The following RAPGEF6 variants were observed in gnomAD, a reference collection of about 807,000 sequenced individuals.
RAPGEF6 encodes the protein Rap guanine nucleotide exchange factor 6.
Under a neutral mutation model 171.4 loss-of-function variants are expected in RAPGEF6, and 56 were observed. The ratio of observed to expected loss-of-function variants is 0.33; its 90% CI spans 0.26 to 0.41. RAPGEF6 has a LOEUF of 0.41. RAPGEF6 is among the 10% of genes least tolerant of loss of function. RAPGEF6 has a pLI of 1.00. For synonymous variants in RAPGEF6, 692 were observed against 650.1 expected, an observed-to-expected ratio of 1.06 and a Z score of -0.98; for missense variants, 1,674 against 1,921.4, an observed-to-expected ratio of 0.87 and a Z score of 2.41.
At chr5:131,448,729 G>A (rs1752875497) in intron 21 of RAPGEF6, among the ~76,000 whole-genome samples, 1 of 152,130 alleles carries the variant, frequency 6.6e-6, no homozygotes. Context: ...TATACCTAAT[G>A]TTTGTAAGCA....
chr5:131,433,717 G>T, intron 24 of RAPGEF6, 59 bp from the exon 25 acceptor site: 1 of 1,234,012 alleles, frequency 8.1e-7, no homozygotes, highest in Non-Finnish European at 1.2e-6. Context: ...GGTGGGGGTA[G>T]TAGGGGAAAG....
At chr5:131,461,215 T>C (rs1004756778) in intron 19 of RAPGEF6, among the ~76,000 whole-genome samples, 2 of 152,200 alleles carry the variant, frequency 1.3e-5, no homozygotes, top group Non-Finnish European at 2.9e-5. Context: ...GTGAACCTCA[T>C]GTAGTGCCTG....
intron 1 of RAPGEF6, among the ~76,000 whole-genome samples, chr5:131,610,983 C>G (rs941556876): frequency 6.6e-6 from 1 of 152,148 alleles, no homozygotes; most frequent in South Asian, 2.1e-4. Context: ...GCTTCCCATG[C>G]GATACTCCCA....
intron 11 of RAPGEF6, among the ~76,000 whole-genome samples, chr5:131,503,522 T>G (rs1012174288): frequency 2.6e-5 from 4 of 152,208 alleles, no homozygotes; most frequent in Non-Finnish European, 5.9e-5. Flanking sequence ...CTCTGAGGAA[T>G]AGCCTGACTC....
At chr5:131,556,329 C>T (rs1461067831) in intron 5 of RAPGEF6, among the ~76,000 whole-genome samples, 1 of 152,084 alleles carries the variant, frequency 6.6e-6, no homozygotes, top group East Asian at 1.9e-4. Flanking sequence ...ATCTCAGCTA[C>T]TCGGGAGGCT....
intron 6 of RAPGEF6, among the ~76,000 whole-genome samples, chr5:131,524,704 C>T (rs1450095981): frequency 6.6e-6 from 1 of 152,036 alleles, no homozygotes; most frequent in Admixed American, 6.5e-5. Flanking sequence ...CAACCTCTGC[C>T]TCCTGGGTTT....
intron 5 of RAPGEF6, among the ~76,000 whole-genome samples, chr5:131,552,717 T>G (rs1760995919): frequency 6.6e-6 from 1 of 152,036 alleles, no homozygotes; most frequent in Non-Finnish European, 1.5e-5. Flanking sequence ...TGCCTCAGCC[T>G]CTCAAAGTGC....
intron 1 of RAPGEF6, among the ~76,000 whole-genome samples, chr5:131,606,054 G>A (rs55657848): frequency 0.04 from 4,697 of 118,290 alleles, 267 homozygotes; most frequent in African/African-American, 0.15. Context: ...AAAAAAAAAA[G>A]AAAAAGAAAA....
Position 131,508,125 on chromosome 5 carries a change from C to T in RAPGEF6, c.888G>A (p.Met296Ile), listed in dbSNP as rs1757483999. The change falls in exon 9 of 28, where the codon ATG becomes ATA. Residue 296 changes from methionine to isoleucine, a missense_variant. This residue lies in a region of RAPGEF6 where 1,116 missense variants were observed against 1,321.5 expected (regional missense o/e 0.84). Coordinates refer to ENST00000509018, the MANE Select transcript of RAPGEF6 (RefSeq NM_016340.6). ...CAGCCTGCTCTACCACTTCAAAAATCATCACTGAGCAGAGTTCTCTCCTTA... is the reference window on the plus strand; with the variant it reads ...CAGCCTGCTCTACCACTTCAAAAATTATCACTGAGCAGAGTTCTCTCCTTA... ...MSVRRELCSV[M>I]IFEVVEQAGA... The T allele has an allele frequency of 6.2e-6, 10 of 1,613,442 alleles. No homozygotes were observed. The highest frequency in any genetic ancestry group is 7.6e-6 in the Non-Finnish European group (9 of 1,179,608).
chr5:131,584,331 T>A (rs535053221), intron 4 of RAPGEF6, among the ~76,000 whole-genome samples: 3 of 152,328 alleles, frequency 2.0e-5, no homozygotes, highest in African/African-American at 7.2e-5. Context: ...TGCAAAGTTA[T>A]AACCATAAGA....
intron 1 of RAPGEF6, among the ~76,000 whole-genome samples, chr5:131,623,477 CTTTTTTT>C (rs763921579): frequency 4.4e-5 from 5 of 114,184 alleles, no homozygotes; most frequent in Non-Finnish European, 7.2e-5. Flanking sequence ...TTTCACATTG[CTTTTTTT>C]TTTTTTTTTT....
At position 131,492,857 on chromosome 5, in the gene RAPGEF6, T is replaced by G; in HGVS notation, c.1528-72A>C. 8.0e-6 allele frequency: 11 copies of G among 1,383,240 alleles called. No homozygotes were observed. The South Asian group carries it at 1.2e-4, about 16-fold the overall frequency. The allele number at this position is 1,383,240 out of a possible 1,614,324, so 85.7% of individuals were successfully genotyped here. On this transcript the variant is annotated intron_variant, in intron 13 of 27. Coordinates refer to ENST00000509018, the MANE Select transcript of RAPGEF6 (RefSeq NM_016340.6). ...TAGGTTTTTAAAAAGTCAACGAAAA[T>G]TATTAGAATTAGAGTTATAAATATA...
At chr5:131,507,466 T>C (rs1490395068) in intron 9 of RAPGEF6, among the ~76,000 whole-genome samples, 6 of 152,036 alleles carry the variant, frequency 3.9e-5, no homozygotes, top group Admixed American at 6.6e-5. Context: ...ATTAATCAAA[T>C]GAGTACATTT....
intron 21 of RAPGEF6, among the ~76,000 whole-genome samples, chr5:131,451,601 G>C (rs1003209663): frequency 4.6e-5 from 7 of 151,596 alleles, no homozygotes; most frequent in Non-Finnish European, 8.8e-5. Context: ...CAAAAACAAA[G>C]ATCCCTAAAC....
chr5:131,505,665 C>T, intron 9 of RAPGEF6, 143 bp from the exon 10 acceptor site: 1 of 701,734 alleles, frequency 1.4e-6, no homozygotes, highest in Non-Finnish European at 2.3e-6. Context: ...CTCTGTAACA[C>T]CCTATGCTTT....
chr5:131,511,214 A>G (rs1488788475), intron 7 of RAPGEF6: 1 of 152,140 alleles, frequency 6.6e-6, no homozygotes. Flanking sequence ...TCATTCATAG[A>G]AAATAATGAA....
chr5:131,509,219 A>T (rs1202227990), intron 8 of RAPGEF6, among the ~76,000 whole-genome samples: 1 of 152,198 alleles, frequency 6.6e-6, no homozygotes, highest in Non-Finnish European at 1.5e-5. Context: ...TAGTTCTGTA[A>T]AATATTACAT....
In RAPGEF6 at chr5:131,623,477, C is replaced by CATTTT. The variant is rs1554088737; in HGVS notation, c.69+11484_69+11485insAAAAT. Reference sequence around the variant, plus strand: ...TAAAGGAACAGTATTTTTCACATTGCTTTTTTTTTTTTTTTTTTTTTGTGA... The same window carrying CATTTT: ...TAAAGGAACAGTATTTTTCACATTGCATTTTTTTTTTTTTTTTTTTTTTTTTGTGA... On this transcript the variant is annotated intron_variant, in intron 1 of 27. Transcript: ENST00000509018. Among the ~76,000 whole-genome samples, 70 of 114,144 alleles carry CATTTT rather than the reference C, an allele frequency of 6.1e-4. 4 individuals are homozygous for CATTTT. The highest frequency in any genetic ancestry group is 1.2e-3 in the African/African-American group (35 of 29,648). The allele number at this position is 114,144 out of a possible 152,430, so 74.9% of individuals were successfully genotyped here.
chr5:131,517,304 C>T (rs1406860111), intron 7 of RAPGEF6, among the ~76,000 whole-genome samples: 1 of 151,794 alleles, frequency 6.6e-6, no homozygotes, highest in African/African-American at 2.4e-5. Context: ...GGGGAGACAT[C>T]CATTTTTCTG....
Sources: gnomAD v4.1 joint callset for allele counts (sites outside exome capture counted in the v4.1 genomes callset) on GRCh38, gnomAD v4.1.1 for gene constraint, gnomAD v4.1.1 regional missense constraint, MANE v1.5 for transcripts, NCBI Gene and HGNC (gene_info 2026-07-23, HGNC 2026-07-21) for gene names.